The following SAMMSON variants were observed in gnomAD, a reference collection of about 807,000 sequenced individuals.
SAMMSON encodes survival associated mitochondrial melanoma specific oncogenic non-coding RNA, also known as long intergenic non-protein coding RNA 1212.
intron 1 of SAMMSON, among the ~76,000 whole-genome samples, chr3:70,001,090 G>C (rs960382507): frequency 7.2e-5 from 11 of 151,788 alleles, no homozygotes; most frequent in African/African-American, 2.4e-4. Flanking sequence ...ACAATGAGGC[G>C]GTTTAGGGAA....
At chr3:70,064,987 A>G (rs182755589) in intron 3 of SAMMSON, among the ~76,000 whole-genome samples, 1 of 152,264 alleles carries the variant, frequency 6.6e-6, no homozygotes, top group East Asian at 1.9e-4. Flanking sequence ...AATGTAATGT[A>G]CTGAGCCAGA....
intron 7 of SAMMSON, among the ~76,000 whole-genome samples, chr3:70,306,327 G>C (rs1056897407): frequency 9.9e-5 from 15 of 152,204 alleles, no homozygotes; most frequent in African/African-American, 3.6e-4. Context: ...TGGCCAGGCT[G>C]GTCTCAAACT....
intron 2 of SAMMSON, among the ~76,000 whole-genome samples, chr3:70,419,074 G>A (rs1467053343): frequency 1.5e-4 from 23 of 150,354 alleles, no homozygotes; most frequent in Admixed American, 1.5e-3. Flanking sequence ...ACCCAGGCTG[G>A]AGTGCAGTGG....
chr3:70,286,076 G>C (rs1228014272), intron 6 of SAMMSON, among the ~76,000 whole-genome samples: 1 of 152,128 alleles, frequency 6.6e-6, no homozygotes, highest in Non-Finnish European at 1.5e-5. Context: ...GATCCCATTT[G>C]TCAATTTTGT....
At chr3:70,418,236 T>G (rs1338619731) in intron 2 of SAMMSON, among the ~76,000 whole-genome samples, 2 of 152,178 alleles carry the variant, frequency 1.3e-5, no homozygotes, top group Non-Finnish European at 2.9e-5. Flanking sequence ...AGTAACGTAA[T>G]GTCTGTTCAA....
intron 4 of SAMMSON, among the ~76,000 whole-genome samples, chr3:70,184,428 G>A (rs769071335): frequency 2.6e-5 from 4 of 152,042 alleles, no homozygotes; most frequent in South Asian, 2.1e-4. Context: ...AACAACCTTC[G>A]GAAAATGCTG....
At chr3:70,184,096 A>G (rs888642299) in intron 4 of SAMMSON, 2 of 152,220 alleles carry the variant, frequency 1.3e-5, no homozygotes, top group Non-Finnish European at 2.9e-5. Flanking sequence ...TTTCTCCGAA[A>G]AACAATCTTG....
At chr3:70,349,663 C>T (rs953123701) in intron 7 of SAMMSON, among the ~76,000 whole-genome samples, 1 of 152,042 alleles carries the variant, frequency 6.6e-6, no homozygotes, top group African/African-American at 2.4e-5. Context: ...AGATGAAGGT[C>T]GGGTTGGGAA....
At chr3:70,429,303 C>T (rs1290784219) in intron 2 of SAMMSON, among the ~76,000 whole-genome samples, 2 of 152,082 alleles carry the variant, frequency 1.3e-5, no homozygotes, top group Non-Finnish European at 2.9e-5. Flanking sequence ...TCTGAGGCCT[C>T]TATTCTATTC....
chr3:70,288,888 CT>C (rs1390338675), intron 6 of SAMMSON, among the ~76,000 whole-genome samples: 1 of 151,246 alleles, frequency 6.6e-6, no homozygotes, highest in African/African-American at 2.4e-5. Flanking sequence ...CAACCCCTGC[CT>C]TTTTTTGTTT....
chr3:70,185,254 A>G (rs983455717), intron 4 of SAMMSON, among the ~76,000 whole-genome samples: 5 of 152,204 alleles, frequency 3.3e-5, no homozygotes, highest in Admixed American at 3.3e-4. Context: ...GAGAAACCAT[A>G]TAAAAATTTC....
chr3:70,106,984 T>G (rs2067369469), intron 4 of SAMMSON, among the ~76,000 whole-genome samples: 1 of 152,208 alleles, frequency 6.6e-6, no homozygotes, highest in Non-Finnish European at 1.5e-5. Context: ...CAACTCACAT[T>G]GCTGGAGCTG....
intron 1 of SAMMSON, among the ~76,000 whole-genome samples, chr3:70,010,803 G>C (rs2066951217): frequency 6.6e-6 from 1 of 152,142 alleles, no homozygotes; most frequent in African/African-American, 2.4e-5. Flanking sequence ...ATGGCAGAAG[G>C]CAAAGGAGCA....
intron 7 of SAMMSON, among the ~76,000 whole-genome samples, chr3:70,302,413 T>A (rs1446763266): frequency 6.6e-6 from 1 of 152,160 alleles, no homozygotes; most frequent in Non-Finnish European, 1.5e-5. Context: ...AGAAATGGAA[T>A]GTCCTTATTC....
chr3:70,414,531 C>T (rs1474701028), intron 2 of SAMMSON, among the ~76,000 whole-genome samples: 1 of 152,072 alleles, frequency 6.6e-6, no homozygotes, highest in Non-Finnish European at 1.5e-5. Flanking sequence ...TAATACTCTT[C>T]CTGATCTAAA....
At chr3:70,244,338 A>C (rs1195531503) in intron 4 of SAMMSON, among the ~76,000 whole-genome samples, 1 of 152,202 alleles carries the variant, frequency 6.6e-6, no homozygotes, top group African/African-American at 2.4e-5. Context: ...CATTTTCTCA[A>C]TGCCTCTTTG....
intron 4 of SAMMSON, among the ~76,000 whole-genome samples, chr3:70,112,570 A>G (rs1437717832): frequency 6.6e-6 from 1 of 152,198 alleles, no homozygotes; most frequent in African/African-American, 2.4e-5. Context: ...AAAATAGGAT[A>G]GAAGAACAAT....
chr3:70,210,361 A>T (rs1477049962), intron 4 of SAMMSON, among the ~76,000 whole-genome samples: 2 of 152,016 alleles, frequency 1.3e-5, no homozygotes, highest in East Asian at 3.9e-4. Context: ...CCTCAGTGGG[A>T]ACTATCTGTT....
intron 4 of SAMMSON, among the ~76,000 whole-genome samples, chr3:70,232,163 G>A (rs968639775): frequency 2.6e-5 from 4 of 152,130 alleles, no homozygotes; most frequent in Non-Finnish European, 5.9e-5. Flanking sequence ...CCGTACACTC[G>A]ACACACTTGG....
Sources: allele counts gnomAD v4.1 joint callset (sites outside exome capture counted in the v4.1 genomes callset), GRCh38; gene constraint gnomAD v4.1.1; transcripts MANE v1.5; gene names NCBI Gene and HGNC (gene_info 2026-07-23, HGNC 2026-07-21).